SEMA6A: variants seen among roughly 807,000 people sequenced by gnomAD.
The protein encoded by SEMA6A is semaphorin 6A, also known as semaphorin-6A.
In SEMA6A, 25 loss-of-function variants were observed where a neutral mutation model predicts 96.8. The observed-to-expected ratio is 0.26, with a 90% CI of 0.19 to 0.36. The LOEUF is 0.36. SEMA6A is among the 10% of genes least tolerant of loss of function. SEMA6A has a pLI of 1.00. For synonymous variants in SEMA6A, 612 were observed against 518.0 expected, an observed-to-expected ratio of 1.18 and a Z score of -2.46; for missense variants, 1,363 against 1,323.1, an observed-to-expected ratio of 1.03 and a Z score of -0.47.
intron 18 of SEMA6A, among the ~76,000 whole-genome samples, chr5:116,448,602 C>T (rs1474608974): frequency 6.6e-6 from 1 of 152,030 alleles, no homozygotes; most frequent in East Asian, 1.9e-4. Flanking sequence ...TTCCGACGGC[C>T]CCCTTGTGGC....
chr5:116,539,558 C>T (rs968788700), intron 1 of SEMA6A, among the ~76,000 whole-genome samples: 1 of 151,562 alleles, frequency 6.6e-6, no homozygotes, highest in African/African-American at 2.4e-5. Flanking sequence ...GTTAACTTGT[C>T]CTTCAGTGCA....
At position 116,574,447 on chromosome 5, in the gene SEMA6A, AAAG is replaced by A. The variant is rs982738878; in HGVS notation, c.-304_-302del. 10 of 152,266 alleles carry A rather than the reference AAAG, an allele frequency of 6.6e-5. No individual in the cohort carries two copies. Among genetic ancestry groups the A allele is most frequent in the Non-Finnish European group, 1.2e-4 (8 of 67,984 alleles). 9.4% of individuals were successfully genotyped at this position (152,266 alleles called of 1,614,324 possible). ...AGAGGAAAAAAGAAGCCAAAAAAAA[AAAG>A]AAGAAAAAGAAAAAGAAAACCAACA... On this transcript the variant is annotated 5_prime_UTR_variant, in exon 1 of 19. Coordinates refer to ENST00000343348, the MANE Select transcript of SEMA6A (RefSeq NM_020796.5).
intron 9 of SEMA6A, among the ~76,000 whole-genome samples, chr5:116,487,697 C>T (rs898375051): frequency 4.6e-5 from 7 of 152,008 alleles, no homozygotes; most frequent in African/African-American, 1.4e-4. Flanking sequence ...AACCCTGTCT[C>T]TACTAAAAAT....
chr5:116,451,724 T>G (rs1026374969), intron 18 of SEMA6A, among the ~76,000 whole-genome samples: 1 of 149,558 alleles, frequency 6.7e-6, no homozygotes, highest in African/African-American at 2.4e-5. Flanking sequence ...TTAGAGTGAC[T>G]ATCACCCTTG....
chr5:116,473,555 T>C (rs908196979), intron 16 of SEMA6A, among the ~76,000 whole-genome samples: 2 of 152,220 alleles, frequency 1.3e-5, no homozygotes, highest in African/African-American at 2.4e-5. Context: ...TCAGGGGTTT[T>C]AGTTTGGAAG....
intron 1 of SEMA6A, among the ~76,000 whole-genome samples, chr5:116,509,607 T>A (rs73781638): frequency 0.26 from 39,076 of 150,486 alleles, 6,737 homozygotes; most frequent in African/African-American, 0.49. Context: ...TCTGTGTGTG[T>A]GAGAGAGAGA....
chr5:116,486,808 A>G lies in SEMA6A; in HGVS notation c.903T>C (p.Asp301=). The G allele has an allele frequency of 6.2e-7, 1 of 1,613,896 alleles. No individual in the cohort carries two copies. The highest frequency in any genetic ancestry group is 8.5e-7 in the Non-Finnish European group (1 of 1,179,804). ...FYFNILQAVT[D]VIRINGRDVV... ...CATCACGCCCGTTGATACGAATCAC[A>G]TCTGTAACTGCCTGGAGAATGTTGA... The change falls in exon 10 of 19, where the codon GAT becomes GAC. Residue 301 remains aspartate (D), a synonymous_variant. Coordinates refer to ENST00000343348, the MANE Select transcript of SEMA6A (RefSeq NM_020796.5).
Position 116,447,070 on chromosome 5 carries a change from G to A in SEMA6A, c.2636C>T (p.Pro879Leu), listed in dbSNP as rs200776266. Residue 879 changes from proline to leucine, a missense_variant, in exon 19 of 19, where the codon CCC becomes CTC. Physicochemically the swap from Pro to Leu is moderately conservative, Grantham distance 98. Around this residue, in one of 2 missense-constraint regions of SEMA6A, gnomAD observed 883 missense variants for 763.6 expected, o/e 1.16. Coordinates refer to ENST00000343348, the MANE Select transcript of SEMA6A (RefSeq NM_020796.5). ...NLVENLDSLP[P>L]KVPQREASLG... ...GGAGGCCTCCCGCTGTGGAACTTTGGGGGGCAGGCTGTCCAGGTTCTCCAC... is the reference window on the plus strand; with the variant it reads ...GGAGGCCTCCCGCTGTGGAACTTTGAGGGGCAGGCTGTCCAGGTTCTCCAC... 1.4e-4 allele frequency: 224 copies of A among 1,613,810 alleles called. No homozygotes were observed. The highest frequency in any genetic ancestry group is 1.8e-4 in the Admixed American group (11 of 60,010).
intron 3 of SEMA6A, among the ~76,000 whole-genome samples, chr5:116,501,747 C>T (rs983555986): frequency 6.6e-5 from 10 of 152,150 alleles, no homozygotes; most frequent in South Asian, 2.1e-4. Flanking sequence ...ATTAGCCAGG[C>T]GTGGTGGTGC....
At position 116,447,332 on chromosome 5, in the gene SEMA6A, G is replaced by T. The variant is rs779770223; in HGVS notation, c.2374C>A (p.Pro792Thr). Reference sequence around the variant, plus strand: ...GGAATCACAGGGGAGCCCATGGGGGGCATGTCCTTTGTGCAGGCATTGATG... The same window carrying T: ...GGAATCACAGGGGAGCCCATGGGGGTCATGTCCTTTGTGCAGGCATTGATG... ...NLINACTKDM[P>T]PMGSPVIPTD... The change falls in exon 19 of 19, where the codon CCC becomes ACC. Residue 792 changes from proline to threonine, a missense_variant. Around this residue, in one of 2 missense-constraint regions of SEMA6A, gnomAD observed 883 missense variants for 763.6 expected, o/e 1.16. Coordinates refer to ENST00000343348, the MANE Select transcript of SEMA6A (RefSeq NM_020796.5). The T allele has an allele frequency of 1.3e-5, 21 of 1,613,696 alleles. 1 individual carries two copies. The highest frequency in any genetic ancestry group is 7.7e-5 in the South Asian group (7 of 91,092).
chr5:116,507,546 G>T (rs1282438305), intron 1 of SEMA6A, among the ~76,000 whole-genome samples: 1 of 152,186 alleles, frequency 6.6e-6, no homozygotes, highest in East Asian at 1.9e-4. Flanking sequence ...TGAGTGAGCA[G>T]TGTTGCTGCA....
intron 1 of SEMA6A, chr5:116,562,533 G>A (rs1301875607): frequency 1.7e-5 from 9 of 539,254 alleles, no homozygotes; most frequent in Admixed American, 7.7e-5. Context: ...CACTCTTTCC[G>A]GTGTGGAGTC....
At chr5:116,543,114 T>A (rs2112867401) in intron 1 of SEMA6A, among the ~76,000 whole-genome samples, 1 of 152,346 alleles carries the variant, frequency 6.6e-6, no homozygotes. Context: ...ATCTTTCAAC[T>A]ACTATGGGAG....
At chr5:116,559,672 GTTAA>G (rs1258556584) in intron 1 of SEMA6A, among the ~76,000 whole-genome samples, 1 of 152,164 alleles carries the variant, frequency 6.6e-6, no homozygotes, top group African/African-American at 2.4e-5. Flanking sequence ...TATGACAGCA[GTTAA>G]TTAAATATTT....
At chr5:116,459,170 C>T (rs1458848709) in intron 18 of SEMA6A, among the ~76,000 whole-genome samples, 1 of 152,154 alleles carries the variant, frequency 6.6e-6, no homozygotes, top group Non-Finnish European at 1.5e-5. Flanking sequence ...TTCAGCTTGC[C>T]TGGGGTTTTA....
chr5:116,452,079 T>A (rs1422262767), intron 18 of SEMA6A, among the ~76,000 whole-genome samples: 1 of 152,168 alleles, frequency 6.6e-6, no homozygotes, highest in African/African-American at 2.4e-5. Flanking sequence ...TAAAGGGCCC[T>A]TGGAGGGTGG....
intron 18 of SEMA6A, chr5:116,449,351 C>T: frequency 1.4e-6 from 1 of 702,398 alleles, no homozygotes; most frequent in Non-Finnish European, 2.6e-6. Flanking sequence ...TTTTCATCTA[C>T]TAAATCAACT....
Position 116,478,025 on chromosome 5 carries a change from C to A in SEMA6A, c.1557G>T (p.Gly519=). The A allele has an allele frequency of 6.2e-7, 1 of 1,613,958 alleles. No individual in the cohort carries two copies. The highest frequency in any genetic ancestry group is 8.5e-7 in the Non-Finnish European group (1 of 1,179,852). Residue 519 remains glycine, a synonymous_variant, in exon 14 of 19, where the codon GGG becomes GGT. Coordinates refer to ENST00000343348, the MANE Select transcript of SEMA6A (RefSeq NM_020796.5). ...KVPLGRCERH[G]KCKKTCIASR... is the part of the protein sequence containing the mutation. ...GGCAAAATACATACTTTTTACACTT[C>A]CCATGTCGTTCACACCGGCCAAGGG...
chr5:116,488,099 C>T lies in SEMA6A; in HGVS notation c.744+9G>A. The T allele has an allele frequency of 1.9e-6, 3 of 1,563,670 alleles. No homozygotes were observed. Among genetic ancestry groups the T allele is most frequent in the Non-Finnish European group, 1.8e-6 (2 of 1,137,048 alleles). ...TACAAACTGAGCCAAGGACAGCATC[C>T]CCTCTTACCTTTCCCATGGTGTTAT... On this transcript the variant is annotated intron_variant, in intron 9 of 18. Coordinates refer to ENST00000343348, the MANE Select transcript of SEMA6A (RefSeq NM_020796.5).
Sources: gnomAD v4.1 joint callset for allele counts (sites outside exome capture counted in the v4.1 genomes callset) on GRCh38, gnomAD v4.1.1 for gene constraint, gnomAD v4.1.1 regional missense constraint, MANE v1.5 for transcripts, NCBI Gene and HGNC (gene_info 2026-07-23, HGNC 2026-07-21) for gene names.